The following SELENON variants were observed in gnomAD, a reference collection of about 807,000 sequenced individuals.
SELENON encodes the protein selenoprotein N, 1.
In SELENON, 44 loss-of-function variants were observed where a neutral mutation model predicts 59.5. The observed-to-expected ratio is 0.74, with a 90% CI of 0.58 to 0.95. The LOEUF is 0.95. Among genes scored for constraint, SELENON ranks in the 40% least tolerant of loss-of-function variants. The pLI is 0.00. For missense variants in SELENON, 674 were observed against 721.4 expected, an observed-to-expected ratio of 0.93 and a Z score of 0.75; for synonymous variants, 320 against 305.6, an observed-to-expected ratio of 1.05 and a Z score of -0.49.
intron 4 of SELENON, 135 bp downstream of exon 3, chr1:25,805,410 T>C (rs1487745175): frequency 2.5e-6 from 3 of 1,200,442 alleles, no homozygotes; most frequent in South Asian, 1.3e-5. Context: ...TGCGGTGATG[T>C]TGTCCCTGCT....
chr1:25,808,961 C>T, intron 5 of SELENON, 65 bp from the exon 5 acceptor site: 7 of 1,611,208 alleles, frequency 4.3e-6, no homozygotes, highest in Non-Finnish European at 5.1e-6. Flanking sequence ...GGGCTGACCC[C>T]CACCCCAGCG....
In SELENON at chr1:25,809,092, C is replaced by T. The variant is rs2047935649; in HGVS notation, c.814C>T (p.Gln272Ter). The change falls in exon 6 of 13, where the codon CAG becomes TAG. Residue 272 changes from glutamine (Q) to a stop codon, truncating the protein, a stop_gained. Coordinates refer to ENST00000361547, the MANE Select transcript of SELENON (RefSeq NM_020451.3). LOFTEE classifies it high-confidence loss of function. Reference sequence around the variant, plus strand: ...CTTTGTGAAGACCCGCTTTGCCCCTCAGGGAGCTGTGGCCTGCCTGACTGC... The same window carrying T: ...CTTTGTGAAGACCCGCTTTGCCCCTTAGGGAGCTGTGGCCTGCCTGACTGC... 1 of 1,613,856 alleles carries T rather than the reference C, an allele frequency of 6.2e-7. No individual in the cohort carries two copies. The highest frequency in any genetic ancestry group is 8.5e-7 in the Non-Finnish European group (1 of 1,180,034).
In SELENON at chr1:25,815,990, C is replaced by A; in HGVS notation, c.*272C>A. 1 of 488,132 alleles carries A rather than the reference C, an allele frequency of 2.0e-6. No homozygotes were observed. The highest frequency in any genetic ancestry group is 3.8e-5 in the East Asian group (1 of 26,138). 30.2% of individuals were successfully genotyped at this position (488,132 alleles called of 1,614,324 possible). ...GGCTCTGGAAGCTGCTTGGCCCCCC[C>A]AGATCAGGGCCTGGGTGAACTCCCT... On this transcript the variant is annotated 3_prime_UTR_variant, in exon 13 of 13. Transcript: ENST00000361547.
At chr1:25,808,861 C>T in intron 5 of SELENON, 72 bp downstream of exon 4, 1 of 1,591,628 alleles carries the variant, frequency 6.3e-7, no homozygotes, top group African/African-American at 1.3e-5. Flanking sequence ...CTGTCTGCGC[C>T]TGGACCCCAG....
intron 10 of SELENON, chr1:25,813,636 G>C: frequency 1.7e-6 from 1 of 597,980 alleles, no homozygotes; most frequent in East Asian, 3.6e-5. Flanking sequence ...TTAAGAAGCT[G>C]TCACTGTCTG....
chr1:25,805,309 G>A, intron 4 of SELENON, 34 bp downstream of exon 3: 1 of 1,613,584 alleles, frequency 6.2e-7, no homozygotes, highest in Non-Finnish European at 8.5e-7. Flanking sequence ...GGGGTCATCT[G>A]TGTGTATCCC....
rs2048006208 is a variant in SELENON, at chr1:25,815,777, A to G, written c.*59A>G. 17 of 1,580,512 alleles carry G rather than the reference A, an allele frequency of 1.1e-5. No homozygotes were observed. Among genetic ancestry groups the G allele is most frequent in the Non-Finnish European group, 1.4e-5 (16 of 1,157,150 alleles). On this transcript the variant is annotated 3_prime_UTR_variant, in exon 13 of 13. Coordinates refer to ENST00000361547, the MANE Select transcript of SELENON (RefSeq NM_020451.3). ...ACGCCTCAGAGCCAGAGTGGTCCTC[A>G]GCCCATTTCAGACTGCAGATGCCGC... is the stretch of plus-strand genomic sequence containing the variant.
At chr1:25,810,264 G>A (rs1468340775) in intron 7 of SELENON, among the ~76,000 whole-genome samples, 1 of 152,194 alleles carries the variant, frequency 6.6e-6, no homozygotes, top group African/African-American at 2.4e-5. Context: ...GTTTTGCTGG[G>A]CAGAGGAACA....
Sources: gnomAD v4.1 joint callset for allele counts (sites outside exome capture counted in the v4.1 genomes callset) on GRCh38, gnomAD v4.1.1 for gene constraint, MANE v1.5 for transcripts, NCBI Gene and HGNC (gene_info 2026-07-23, HGNC 2026-07-21) for gene names.